CHD9: variants seen among roughly 807,000 people sequenced by gnomAD.
The protein encoded by CHD9 is chromodomain helicase DNA binding protein 9.
In CHD9, 77 loss-of-function variants were observed where a neutral mutation model predicts 316.1. The ratio of observed to expected loss-of-function variants is 0.24; its 90% confidence interval spans 0.20 to 0.29. CHD9 has a LOEUF of 0.29. CHD9 is among the 10% of genes least tolerant of loss of function. CHD9 has a pLI of 1.00. For missense variants in CHD9, 2,763 were observed against 3,438.1 expected (o/e 0.80, Z 4.91); for synonymous variants, 1,129 against 1,158.3 (o/e 0.97, Z 0.51).
chr16:53,063,333 A>G, intron 1 of CHD9, among the ~76,000 whole-genome samples: 1 of 150,068 alleles, frequency 6.7e-6, no homozygotes, highest in East Asian at 2.0e-4. Context: ...TCTAAATTGC[A>G]GAATTATGCT....
intron 1 of CHD9, among the ~76,000 whole-genome samples, chr16:53,076,841 T>C (rs973779918): frequency 2.6e-5 from 4 of 152,032 alleles, no homozygotes; most frequent in African/African-American, 4.8e-5. Context: ...TGTATTTATT[T>C]ATTTATTTAT....
At chr16:53,235,859 A>G (rs1415647223) in intron 11 of CHD9, among the ~76,000 whole-genome samples, 2 of 152,222 alleles carry the variant, frequency 1.3e-5, no homozygotes, top group Non-Finnish European at 2.9e-5. Flanking sequence ...TAATTGCAAA[A>G]GAAGTAAAAA....
At chr16:53,230,634 G>A (rs957319821) in intron 8 of CHD9, among the ~76,000 whole-genome samples, 9 of 151,990 alleles carry the variant, frequency 5.9e-5, no homozygotes, top group Admixed American at 3.9e-4. Flanking sequence ...GGGGAGAGTC[G>A]GTGAAGAATT....
chr16:53,061,070 G>A (rs975903792), intron 1 of CHD9, among the ~76,000 whole-genome samples: 1 of 151,938 alleles, frequency 6.6e-6, no homozygotes, highest in Non-Finnish European at 1.5e-5. Flanking sequence ...GGAATTATAG[G>A]TGCCCACTGC....
At chr16:53,290,953 A>C (rs1227637314) in intron 27 of CHD9, among the ~76,000 whole-genome samples, 4 of 152,228 alleles carry the variant, frequency 2.6e-5, no homozygotes, top group Admixed American at 2.0e-4. Context: ...ATAAGAAAGA[A>C]GCACTATGAA....
At chr16:53,275,771 G>T (rs187246782) in intron 24 of CHD9, among the ~76,000 whole-genome samples, 1 of 152,010 alleles carries the variant, frequency 6.6e-6, no homozygotes, top group Admixed American at 6.6e-5. Context: ...TAATTTTTCT[G>T]TACTCAGTCT....
rs147452412 is a variant in CHD9 at position 53,075,921 on chromosome 16, A to G, written c.-165+20844A>G. ...CCCATTTCTCCACGTCCTCACCAAC[A>G]CTTGTTATTTTCTGTTTTTTTCAGA... On this transcript the variant is annotated intron_variant, in intron 1 of 38. Transcript: ENST00000447540. 5.8e-4 allele frequency among the ~76,000 whole-genome samples: 88 copies of G among 151,824 alleles called. No homozygotes were observed. The East Asian group carries it at 0.016, about 28-fold the overall frequency.
chr16:53,303,817 G>A lies in CHD9; in HGVS notation c.5811G>A (p.Gln1937=). The change falls in exon 31 of 39, where the codon CAG becomes CAA. Residue 1937 remains glutamine (Q), a synonymous_variant. Transcript: ENST00000447540. ...RIELLRKVRE[Q]ALRHPQLFER... is the part of the protein sequence containing the mutation. ...AACTTCTAAGGAAAGTACGGGAACA[G>A]GCCCTTCGACATCCACAGTTGTTTG... 2 of 1,614,016 alleles carry A rather than the reference G, an allele frequency of 1.2e-6. No homozygotes were observed. Among genetic ancestry groups the A allele is most frequent in the Non-Finnish European group, 1.7e-6 (2 of 1,179,902 alleles).
intron 2 of CHD9, chr16:53,169,155 G>C (rs1424184626): frequency 1.3e-5 from 2 of 152,258 alleles, no homozygotes; most frequent in Non-Finnish European, 2.9e-5. Flanking sequence ...AAGCCACAGT[G>C]ATCTGATATC....
chr16:53,237,939 A>G (rs910437265), intron 11 of CHD9, among the ~76,000 whole-genome samples: 1 of 151,808 alleles, frequency 6.6e-6, no homozygotes, highest in Non-Finnish European at 1.5e-5. Context: ...CTATTTATTT[A>G]TTTGCATGTC....
At chr16:53,091,574 C>G (rs192999528) in intron 1 of CHD9, among the ~76,000 whole-genome samples, 9 of 152,326 alleles carry the variant, frequency 5.9e-5, no homozygotes, top group Non-Finnish European at 1.0e-4. Context: ...GCCGTAGTTA[C>G]TCTGACATGA....
intron 1 of CHD9, among the ~76,000 whole-genome samples, chr16:53,117,247 A>T (rs1038706630): frequency 1.7e-4 from 26 of 151,964 alleles, no homozygotes; most frequent in East Asian, 3.9e-4. Flanking sequence ...TAAAAAAATT[A>T]AAAAAAAATT....
At chr16:53,315,077 T>C (rs2056776248) in intron 36 of CHD9, 33 bp downstream of exon 36, 2 of 1,475,990 alleles carry the variant, frequency 1.4e-6, no homozygotes, top group East Asian at 4.6e-5. Flanking sequence ...TGTTATATTT[T>C]ATTTTTATGA....
At position 53,324,759 on chromosome 16, in the gene CHD9, A is replaced by G. The variant is rs2057480995; in HGVS notation, c.8558A>G (p.Glu2853Gly). ...KEEDSRIKDQ[E>G]DKGGTEPSPL... The stretch of plus-strand genomic sequence containing the variant: ...GAAGATTCCAGAATTAAAGATCAGG[A>G]AGACAAAGGAGGAACTGAACCAAGT... Residue 2853 changes from glutamate (E) to glycine (G), a missense_variant, in exon 39 of 39, where the codon GAA (glutamate) becomes GGA (glycine). Glu to Gly is a moderately conservative substitution (Grantham distance 98). Around this residue, in one of 15 missense-constraint regions of CHD9, gnomAD observed 298 missense variants for 380.2 expected, o/e 0.78. Coordinates refer to ENST00000447540, the MANE Select transcript of CHD9 (RefSeq NM_001308319.2). 1 of 1,613,502 alleles carries G rather than the reference A, an allele frequency of 6.2e-7. No homozygotes were observed. Among genetic ancestry groups the G allele is most frequent in the Non-Finnish European group, 8.5e-7 (1 of 1,179,686 alleles).
At chr16:53,059,558 T>A (rs1195135579) in intron 1 of CHD9, among the ~76,000 whole-genome samples, 1 of 152,214 alleles carries the variant, frequency 6.6e-6, no homozygotes, top group Non-Finnish European at 1.5e-5. Flanking sequence ...GTAATGACCA[T>A]GGTCATAAAG....
intron 8 of CHD9, among the ~76,000 whole-genome samples, chr16:53,230,371 A>G (rs1281022076): frequency 6.6e-6 from 1 of 152,094 alleles, no homozygotes. Flanking sequence ...GGAAATCCCA[A>G]CACTTTGGGA....
intron 1 of CHD9, among the ~76,000 whole-genome samples, chr16:53,062,944 C>A (rs995476256): frequency 1.3e-5 from 2 of 152,000 alleles, no homozygotes; most frequent in African/African-American, 4.8e-5. Context: ...CGCTTGGACC[C>A]GGGAGGCAGA....
intron 10 of CHD9, among the ~76,000 whole-genome samples, chr16:53,232,399 CA>C (rs2048254813): frequency 6.6e-6 from 1 of 152,030 alleles, no homozygotes; most frequent in Admixed American, 6.6e-5. Context: ...TGGAGCTTTT[CA>C]AAAATTAGAG....
rs1437933292 is a variant in CHD9, at chr16:53,314,394, A to G, written c.7240A>G (p.Thr2414Ala). ...IPVSGTSIQP[T>A]LGANGVILDN... ...TCAATTAGGTACTTCCATTCAACCAACCCTTGGTGCCAATGGTGTGATATT... is the reference window on the plus strand; with the variant it reads ...TCAATTAGGTACTTCCATTCAACCAGCCCTTGGTGCCAATGGTGTGATATT... Residue 2414 changes from threonine to alanine, a missense_variant, in exon 35 of 39, where the codon ACC becomes GCC. Thr to Ala is a moderately conservative substitution (Grantham distance 58, BLOSUM62 0). This residue lies in a region of CHD9 where 663 missense variants were observed against 751.2 expected (regional missense o/e 0.88). Transcript: ENST00000447540. The G allele has an allele frequency of 6.3e-7, 1 of 1,574,842 alleles. No homozygotes were observed. Among genetic ancestry groups the G allele is most frequent in the Non-Finnish European group, 8.6e-7 (1 of 1,161,692 alleles).
Sources: allele counts gnomAD v4.1 joint callset (sites outside exome capture counted in the v4.1 genomes callset), GRCh38; gene constraint gnomAD v4.1.1; regional missense constraint gnomAD v4.1.1; transcripts MANE v1.5; gene names NCBI Gene and HGNC (gene_info 2026-07-23, HGNC 2026-07-21).